Variants in PCDH7 observed in about 807,000 individuals in gnomAD.
The protein encoded by PCDH7 is protocadherin 7.
PCDH7 carries 17 observed loss-of-function variants against 58.9 expected under a neutral mutation model. That is an observed-to-expected ratio of 0.29 (90% CI 0.20 to 0.43). The LOEUF is 0.43. Ranked by LOEUF, PCDH7 falls within the 20% of genes least tolerant of loss-of-function variation. PCDH7 has a pLI of 1.00. For synonymous variants in PCDH7, 664 were observed against 616.4 expected, an observed-to-expected ratio of 1.08 and a Z score of -1.14; for missense variants, 1,274 against 1,441.0, an observed-to-expected ratio of 0.88 and a Z score of 1.88.
intron 1 of PCDH7, among the ~76,000 whole-genome samples, chr4:30,761,511 A>G (rs1012668031): frequency 4.6e-5 from 7 of 152,082 alleles, no homozygotes; most frequent in Non-Finnish European, 8.8e-5. Context: ...ATTATTAATG[A>G]GATATTTTAT....
intron 1 of PCDH7, among the ~76,000 whole-genome samples, chr4:30,902,644 T>C (rs975121336): frequency 6.6e-6 from 1 of 151,442 alleles, no homozygotes; most frequent in African/African-American, 2.4e-5. Flanking sequence ...ATTAGTGAAG[T>C]AATGTGTAGA....
chr4:30,990,964 G>T (rs1483994929), intron 3 of PCDH7, among the ~76,000 whole-genome samples: 1 of 152,062 alleles, frequency 6.6e-6, no homozygotes, highest in African/African-American at 2.4e-5. Flanking sequence ...AAAGAAAATT[G>T]AGGTCAGGTA....
At chr4:31,024,980 T>A (rs1754313840) in intron 3 of PCDH7, among the ~76,000 whole-genome samples, 1 of 152,158 alleles carries the variant, frequency 6.6e-6, no homozygotes, top group Non-Finnish European at 1.5e-5. Flanking sequence ...TGACCTCAGG[T>A]GACCCACCCG....
At chr4:31,051,692 C>CT (rs1279103227) in intron 3 of PCDH7, among the ~76,000 whole-genome samples, 1 of 151,968 alleles carries the variant, frequency 6.6e-6, no homozygotes, top group African/African-American at 2.4e-5. Flanking sequence ...AGCAGCAGAC[C>CT]TTAAACCTTT....
At chr4:31,087,221 G>A (rs994270466) in intron 3 of PCDH7, among the ~76,000 whole-genome samples, 4 of 152,024 alleles carry the variant, frequency 2.6e-5, no homozygotes, top group African/African-American at 9.7e-5. Flanking sequence ...TGCTAGCTAT[G>A]GGTAGATCAA....
chr4:31,131,266 G>A (rs1211312697), intron 3 of PCDH7, among the ~76,000 whole-genome samples: 1 of 152,108 alleles, frequency 6.6e-6, no homozygotes, highest in African/African-American at 2.4e-5. Context: ...AGGAAAACAT[G>A]TCAATGAGCA....
At chr4:30,966,572 CTG>C (rs1749013202) in intron 3 of PCDH7, among the ~76,000 whole-genome samples, 1 of 152,086 alleles carries the variant, frequency 6.6e-6, no homozygotes, top group African/African-American at 2.4e-5. Flanking sequence ...GGGGTTTTGA[CTG>C]TCATTTTTTT....
intron 3 of PCDH7, among the ~76,000 whole-genome samples, chr4:30,956,727 T>C (rs1305407418): frequency 6.6e-6 from 1 of 152,190 alleles, no homozygotes; most frequent in African/African-American, 2.4e-5. Flanking sequence ...ATTTAGTTAG[T>C]GAGACACTTG....
At chr4:31,066,785 G>C (rs375271416) in intron 3 of PCDH7, among the ~76,000 whole-genome samples, 1 of 151,810 alleles carries the variant, frequency 6.6e-6, no homozygotes, top group Non-Finnish European at 1.5e-5. Flanking sequence ...ATTTCATAAA[G>C]GTTCAATTAC....
chr4:30,920,049 A>G, intron 1 of PCDH7, 104 bp from the exon 2 acceptor site: 1 of 732,300 alleles, frequency 1.4e-6, no homozygotes, highest in Non-Finnish European at 2.0e-6. Context: ...TTTGTATTGA[A>G]TTAGTTGCCA....
chr4:30,765,695 A>C (rs1220936927), intron 1 of PCDH7, among the ~76,000 whole-genome samples: 1 of 152,178 alleles, frequency 6.6e-6, no homozygotes. Flanking sequence ...AGTTTTAAGT[A>C]TGCAATGTGC....
chr4:31,098,216 G>GAA (rs1714418229), intron 3 of PCDH7, among the ~76,000 whole-genome samples: 1 of 152,208 alleles, frequency 6.6e-6, no homozygotes, highest in African/African-American at 2.4e-5. Context: ...TTCCCATTGT[G>GAA]AAAGCATATT....
intron 1 of PCDH7, among the ~76,000 whole-genome samples, chr4:30,867,562 C>A (rs1032887715): frequency 6.6e-6 from 1 of 151,976 alleles, no homozygotes; most frequent in Admixed American, 6.6e-5. Context: ...AAGCTGTAGG[C>A]TCCTTGGGGG....
At chr4:31,145,095 A>C (rs1438177471), downstream of PCDH7, 1 of 151,910 alleles carries the variant, frequency 6.6e-6, no homozygotes, top group African/African-American at 2.4e-5. Context: ...TGAGACATTG[A>C]AACCACTGAT....
intron 3 of PCDH7, among the ~76,000 whole-genome samples, chr4:30,998,133 C>A (rs940721429): frequency 6.6e-6 from 1 of 152,056 alleles, no homozygotes; most frequent in African/African-American, 2.4e-5. Flanking sequence ...TACAAGAGTT[C>A]TATTGCCCAT....
chr4:30,766,101 A>G (rs570843928), intron 1 of PCDH7, among the ~76,000 whole-genome samples: 1 of 112,930 alleles, frequency 8.9e-6, no homozygotes, highest in African/African-American at 5.0e-5. Flanking sequence ...GATCTCTCCC[A>G]TTAAATGTAG....
At chr4:30,996,187 A>G (rs753686033) in intron 3 of PCDH7, among the ~76,000 whole-genome samples, 16 of 152,038 alleles carry the variant, frequency 1.1e-4, no homozygotes, top group Non-Finnish European at 1.6e-4. Context: ...TTTGATACTA[A>G]TTTTCCTTAT....
intron 3 of PCDH7, among the ~76,000 whole-genome samples, chr4:30,971,579 C>A (rs1749587613): frequency 6.6e-6 from 1 of 152,166 alleles, no homozygotes; most frequent in Non-Finnish European, 1.5e-5. Context: ...ACTTTTGAAT[C>A]AGAATTAACC....
chr4:30,977,001 T>C (rs955368594), intron 3 of PCDH7, among the ~76,000 whole-genome samples: 2 of 152,172 alleles, frequency 1.3e-5, no homozygotes, highest in African/African-American at 4.8e-5. Context: ...TTGTAAATAG[T>C]TGTTTTCATT....
Sources: gnomAD v4.1 joint callset for allele counts (sites outside exome capture counted in the v4.1 genomes callset) on GRCh38, gnomAD v4.1.1 for gene constraint, MANE v1.5 for transcripts, NCBI Gene and HGNC (gene_info 2026-07-23, HGNC 2026-07-21) for gene names.